APEX1: variants seen among roughly 807,000 people sequenced by gnomAD.
APEX1 encodes the protein DNA repair nuclease/redox regulator APEX1.
APEX1 carries 32 observed loss-of-function variants against 33.2 expected under a neutral mutation model. That is an observed-to-expected ratio of 0.96 (90% CI 0.73 to 1.29). The LOEUF (loss-of-function observed/expected upper bound fraction) is 1.29. APEX1 is among the 50% of genes most tolerant of loss of function. The pLI, the probability that APEX1 is intolerant of heterozygous loss-of-function variation, is 0.00. For missense variants in APEX1, 442 were observed against 395.6 expected (o/e 1.12, Z -0.99); for synonymous variants, 175 against 156.6 (o/e 1.12, Z -0.88).
At position 20,457,222 on chromosome 14, in the gene APEX1, A is replaced by G. The variant is rs746944921; in HGVS notation, c.671A>G (p.Lys224Arg). ...GAAGAAATTGACCTTCGCAACCCCA[A>G]GGGGAACAAAAAGAATGCTGGCTTC... ...AHEEIDLRNP[K>R]GNKKNAGFTP... Residue 224 changes from lysine to arginine, a missense_variant, in exon 5 of 5, where the codon AAG becomes AGG. Coordinates refer to ENST00000216714, the MANE Select transcript of APEX1 (RefSeq NM_001641.4). 2 of 1,614,098 alleles carry G rather than the reference A, an allele frequency of 1.2e-6. No homozygotes were observed. The highest frequency in any genetic ancestry group is 1.1e-5 in the South Asian group (1 of 91,092).
In APEX1 at chr14:20,457,019, G is replaced by T; in HGVS notation, c.468G>T (p.Arg156=). The part of the protein sequence containing the change: ...IGDEEHDQEG[R]VIVAEFDSFV... ...ATGAGGAGCATGATCAGGAAGGCCG[G>T]GTGATTGTGGCTGAATTTGACTCGT... The change falls in exon 5 of 5, where the codon CGG becomes CGT. Residue 156 remains arginine (R), a synonymous_variant. Transcript: ENST00000216714. 6.2e-7 allele frequency: 1 copy of T among 1,614,114 alleles called. No homozygotes were observed. The highest frequency in any genetic ancestry group is 8.5e-7 in the Non-Finnish European group (1 of 1,179,990).
At chr14:20,456,208 C>A in intron 3 of APEX1, 107 bp downstream of exon 3, 1 of 1,321,812 alleles carries the variant, frequency 7.6e-7, no homozygotes, top group Non-Finnish European at 1.1e-6. Flanking sequence ...TTTTCTCCTG[C>A]CCGTAGTTTT....
intron 2 of APEX1, 59 bp from the exon 3 acceptor site, chr14:20,455,855 C>T (rs1881303598): frequency 1.2e-6 from 2 of 1,613,466 alleles, no homozygotes; most frequent in Admixed American, 1.7e-5. Context: ...CTATAGTTAA[C>T]GCCGGATCGC....
rs1881273051 is a variant in APEX1, at chr14:20,455,444, G to C, written c.-69+50G>C. ...AGTTTCGTGGGTGAGGGGCTGAAGG[G>C]CCTATGATGCACGGAGGCGGGGAAA... On this transcript the variant is annotated intron_variant, in intron 1 of 4. Coordinates refer to ENST00000216714, the MANE Select transcript of APEX1 (RefSeq NM_001641.4). 4 of 784,970 alleles carry C rather than the reference G, an allele frequency of 5.1e-6. No individual in the cohort carries two copies. The Admixed American group carries it at 9.0e-5, about 18-fold the overall frequency. The allele number at this position is 784,970 out of a possible 1,614,324, so 48.6% of individuals were successfully genotyped here.
chr14:20,455,769 G>A, intron 2 of APEX1, 66 bp downstream of exon 2: 1 of 1,614,054 alleles, frequency 6.2e-7, no homozygotes, highest in Non-Finnish European at 8.5e-7. Context: ...TTCCCTTGAT[G>A]TACGGTAAGT....
chr14:20,455,743 G>T, intron 2 of APEX1, 40 bp downstream of exon 2: 1 of 1,614,214 alleles, frequency 6.2e-7, no homozygotes, highest in Non-Finnish European at 8.5e-7. Flanking sequence ...AGAAGCTGCG[G>T]CGGGGGTGTT....
chr14:20,456,043 A>G lies in APEX1; in HGVS notation c.188A>G (p.Lys63Arg), dbSNP rs1189814257. The G allele has an allele frequency of 1.4e-5, 22 of 1,614,092 alleles. No homozygotes were observed. The highest frequency in any genetic ancestry group is 1.7e-5 in the Non-Finnish European group (20 of 1,180,052). The change falls in exon 3 of 5, where the codon AAG becomes AGG. Residue 63 changes from lysine to arginine, a missense_variant. Transcript: ENST00000216714. ...CCCAGTGGCAAACCTGCCACACTCA[A>G]GATCTGCTCTTGGAATGTGGATGGG... ...TSPSGKPATL[K>R]ICSWNVDGLR...
At chr14:20,456,912 TTCTC>T (rs1174819032) in intron 4 of APEX1, 52 bp downstream of exon 4, 1 of 1,604,554 alleles carries the variant, frequency 6.2e-7, no homozygotes, top group Non-Finnish European at 8.5e-7. Context: ...CAATTGCTAA[TTCTC>T]TATCTCTGCC....
In APEX1 at chr14:20,456,836, C is replaced by G; in HGVS notation, c.415C>G (p.Pro139Ala). 1 of 1,614,152 alleles carries G rather than the reference C, an allele frequency of 6.2e-7. No homozygotes were observed. The highest frequency in any genetic ancestry group is 8.5e-7 in the Non-Finnish European group (1 of 1,179,992). The change falls in exon 4 of 5, where the codon CCA (proline) becomes GCA (alanine). Residue 139 changes from proline to alanine, a missense_variant. Pro to Ala is a conservative substitution (Grantham distance 27). Transcript: ENST00000216714. ...SGVGLLSRQCPLKVSYGIGDE... is the reference protein window; with the variant it reads ...SGVGLLSRQCALKVSYGIGDE... ...CGTGGGCCTGCTTTCCCGCCAGTGC[C>G]CACTCAAAGTTTCTTACGGCATAGG...
chr14:20,456,828 G>A lies in APEX1; in HGVS notation c.407G>A (p.Arg136His), dbSNP rs368377040. The change falls in exon 4 of 5, where the codon CGC becomes CAC. Residue 136 changes from arginine to histidine, a missense_variant. Physicochemically the swap from Arg to His is conservative, Grantham distance 29 (BLOSUM62 0). Transcript: ENST00000216714. ...TACAGTGGCGTGGGCCTGCTTTCCC[G>A]CCAGTGCCCACTCAAAGTTTCTTAC... ...EGYSGVGLLSRQCPLKVSYGI... is the reference protein window; with the variant it reads ...EGYSGVGLLSHQCPLKVSYGI... The A allele has an allele frequency of 1.1e-5, 18 of 1,613,942 alleles. No individual in the cohort carries two copies. Among genetic ancestry groups the A allele is most frequent in the Middle Eastern group, 1.6e-4 (1 of 6,066 alleles).
At position 20,455,338 on chromosome 14, in the gene APEX1, A is replaced by G. The variant is rs1397215177; in HGVS notation, c.-125A>G. ...GCTGGCAGTCTGAACGGCAAGCTTG[A>G]GTCAGGACCCTTAATTAAGATCCTC... On this transcript the variant is annotated 5_prime_UTR_variant, in exon 1 of 5. Transcript: ENST00000216714. The G allele has an allele frequency of 4.0e-6, 2 of 502,022 alleles. No homozygotes were observed. Among genetic ancestry groups the G allele is most frequent in the Non-Finnish European group, 7.2e-6 (2 of 276,450 alleles). The allele number at this position is 502,022 out of a possible 1,614,324, so 31.1% of individuals were successfully genotyped here.
In APEX1 at chr14:20,455,580, AACGCGGTAAAAATATTGCTTCGGTGGGTG is replaced by A. The variant is rs1356999549; in HGVS notation, c.-57_-29del. The A allele has an allele frequency of 1.9e-6, 3 of 1,611,900 alleles. No homozygotes were observed. The African/African-American group carries it at 4.0e-5, about 22-fold the overall frequency. On this transcript the variant is annotated 5_prime_UTR_variant, in exon 2 of 5. Coordinates refer to ENST00000216714, the MANE Select transcript of APEX1 (RefSeq NM_001641.4). ...TCATGATTTCTTTGCGTCTGTAGGC[AACGCGGTAAAAATATTGCTTCGGTGGGTG>A]ACGCGGTACAGCTGCCCAAGGGCGT...
At chr14:20,456,888 G>A in intron 4 of APEX1, 28 bp downstream of exon 4, 1 of 1,609,898 alleles carries the variant, frequency 6.2e-7, no homozygotes, top group South Asian at 1.1e-5. Context: ...CCTAATGCCT[G>A]AACTCTTCAA....
At chr14:20,456,184 T>G in intron 3 of APEX1, 83 bp downstream of exon 3, 5 of 1,495,346 alleles carry the variant, frequency 3.3e-6, no homozygotes, top group Non-Finnish European at 4.6e-6. Flanking sequence ...CGTTTAGCCT[T>G]CAGGCTGTTT....
chr14:20,457,708 CAA>C lies in APEX1; in HGVS notation c.*202_*203del. The C allele has an allele frequency of 1.5e-6, 1 of 680,558 alleles. No homozygotes were observed. The highest frequency in any genetic ancestry group is 2.4e-6 in the Non-Finnish European group (1 of 409,264). 42.2% of individuals were successfully genotyped at this position (680,558 alleles called of 1,614,324 possible). On this transcript the variant is annotated 3_prime_UTR_variant, in exon 5 of 5. Transcript: ENST00000216714. ...TTTTGTTTTTTAAAAAAAAATTGAA[CAA>C]AGACTACTAATGACTTTGTTTGAAT...
In APEX1 at chr14:20,457,509, C is replaced by A. The variant is rs1301652270; in HGVS notation, c.*1C>A. The A allele has an allele frequency of 6.2e-7, 1 of 1,613,710 alleles. No homozygotes were observed. The highest frequency in any genetic ancestry group is 1.1e-5 in the South Asian group (1 of 91,076). The stretch of plus-strand genomic sequence containing the variant: ...TATCACCCTATACCTAGCACTGTGA[C>A]ACCACCCCTAAATCACTTTGAGCCT... On this transcript the variant is annotated 3_prime_UTR_variant, in exon 5 of 5. Coordinates refer to ENST00000216714, the MANE Select transcript of APEX1 (RefSeq NM_001641.4).
rs148298598 is a variant in APEX1, at chr14:20,457,111, G to A, written c.560G>A (p.Arg187His). 2.8e-4 allele frequency: 456 copies of A among 1,614,072 alleles called. 1 individual carries two copies. Among genetic ancestry groups the A allele is most frequent in the Non-Finnish European group, 3.5e-4 (415 of 1,180,042 alleles). Residue 187 changes from arginine to histidine, a missense_variant, in exon 5 of 5, where the codon CGC becomes CAC. Arg to His is a conservative substitution (Grantham distance 29). Coordinates refer to ENST00000216714, the MANE Select transcript of APEX1 (RefSeq NM_001641.4). ...CTGGTACGACTGGAGTACCGGCAGC[G>A]CTGGGATGAAGCCTTTCGCAAGTTC... ...RGLVRLEYRQ[R>H]WDEAFRKFLK...
At position 20,456,036 on chromosome 14, in the gene APEX1, A is replaced by G. The variant is rs775497483; in HGVS notation, c.181A>G (p.Thr61Ala). Residue 61 changes from threonine to alanine, a missense_variant, in exon 3 of 5, where the codon ACA becomes GCA. Physicochemically the swap from Thr to Ala is moderately conservative, Grantham distance 58. Transcript: ENST00000216714. ...AACCTCACCCAGTGGCAAACCTGCC[A>G]CACTCAAGATCTGCTCTTGGAATGT... ...QKTSPSGKPA[T>A]LKICSWNVDG... 5.6e-6 allele frequency: 9 copies of G among 1,614,206 alleles called. No individual in the cohort carries two copies. Among genetic ancestry groups the G allele is most frequent in the Non-Finnish European group, 6.8e-6 (8 of 1,180,034 alleles).
Position 20,457,420 on chromosome 14 carries a change from C to T in APEX1, c.869C>T (p.Ser290Phe), listed in dbSNP as rs755938382. ...WRLDYFLLSH[S>F]LLPALCDSKI... ...CTTGATTACTTTTTGTTGTCCCACT[C>T]TCTGTTACCTGCATTGTGTGACAGC... The change falls in exon 5 of 5, where the codon TCT becomes TTT. Residue 290 changes from serine to phenylalanine, a missense_variant. Ser to Phe is a radical substitution (Grantham distance 155). Transcript: ENST00000216714. 1 of 1,614,178 alleles carries T rather than the reference C, an allele frequency of 6.2e-7. No homozygotes were observed. Among genetic ancestry groups the T allele is most frequent in the South Asian group, 1.1e-5 (1 of 91,084 alleles).
Sources: gnomAD v4.1 joint callset for allele counts on GRCh38, gnomAD v4.1.1 for gene constraint, MANE v1.5 for transcripts, NCBI Gene and HGNC (gene_info 2026-07-23, HGNC 2026-07-21) for gene names.